SCN1A: variants seen among roughly 807,000 people sequenced by gnomAD.
SCN1A encodes sodium channel protein type 1 subunit alpha.
A neutral mutation model predicts 193.7 loss-of-function variants in SCN1A; 13 were observed. The ratio of observed to expected loss-of-function variants is 0.07; its 90% CI spans 0.04 to 0.11. The LOEUF (loss-of-function observed/expected upper bound fraction) is 0.11. Among genes scored for constraint, SCN1A ranks in the 10% least tolerant of loss-of-function variants. The pLI, the probability that SCN1A is intolerant of heterozygous loss-of-function variation, is 1.00. For missense variants in SCN1A, 1,432 were observed against 2,451.1 expected (o/e 0.58, Z 8.78); for synonymous variants, 781 against 843.6 (o/e 0.93, Z 1.29).
intron 22 of SCN1A, among the ~76,000 whole-genome samples, chr2:166,010,295 A>G (rs910715105): frequency 6.6e-6 from 1 of 151,220 alleles, no homozygotes; most frequent in Non-Finnish European, 1.5e-5. Flanking sequence ...TCAACTAATC[A>G]TAATTGGTAT....
At chr2:166,036,946 A>C (rs1202968336) in intron 18 of SCN1A, among the ~76,000 whole-genome samples, 2 of 152,226 alleles carry the variant, frequency 1.3e-5, no homozygotes, top group Non-Finnish European at 2.9e-5. Flanking sequence ...ATGTCAATTG[A>C]AAAATAACCA....
At chr2:166,040,686 A>G (rs550455139) in intron 16 of SCN1A, among the ~76,000 whole-genome samples, 2 of 152,356 alleles carry the variant, frequency 1.3e-5, no homozygotes, top group East Asian at 1.9e-4. Context: ...TTAAGTGGCA[A>G]TCTTCACCAA....
At chr2:166,072,507 C>G (rs1373178619) in intron 4 of SCN1A, among the ~76,000 whole-genome samples, 1 of 152,070 alleles carries the variant, frequency 6.6e-6, no homozygotes, top group African/African-American at 2.4e-5. Flanking sequence ...TATTAAATAA[C>G]TTGTAAAATT....
rs34747425 is a variant in SCN1A at position 166,052,612 on chromosome 2, G to GA, written c.694+239dup. Among the ~76,000 whole-genome samples the GA allele has an allele frequency of 0.43, 37,765 of 87,476 alleles. 4,929 individuals are homozygous for GA. The highest frequency in any genetic ancestry group is 0.55 in the Middle Eastern group (116 of 210). The allele number at this position is 87,476 out of a possible 152,430, so 57.4% of individuals were successfully genotyped here. The stretch of plus-strand genomic sequence containing the variant: ...AAATTCTCGATAAAACTAACATGGT[G>GA]AAAAAAAAAAAAACCCATGATATTT... On this transcript the variant is annotated intron_variant, in intron 8 of 28. Coordinates refer to ENST00000674923, the MANE Select transcript of SCN1A (RefSeq NM_001165963.4).
rs5836074 is a variant in SCN1A at position 166,045,478 on chromosome 2, ATT to A, written c.1378-153_1378-152del. The A allele has an allele frequency of 1.3e-3, 1,001 of 757,544 alleles. 3 individuals are homozygous for A. The African/African-American group carries it at 0.016, about 12-fold the overall frequency. The allele number at this position is 757,544 out of a possible 1,614,324, so 46.9% of individuals were successfully genotyped here. ...AGATTCTCTGCAAGTATAAGAGGAG[ATT>A]TTTTTTTTCTTTCTACCTAATGAAG... is the stretch of plus-strand genomic sequence containing the variant. On this transcript the variant is annotated intron_variant, in intron 12 of 28. Transcript: ENST00000674923.
rs121918780 is a variant in SCN1A, at chr2:166,051,928, A to G, written c.755T>C (p.Ile252Thr). Residue 252 changes from isoleucine (I) to threonine (T), a missense_variant, in exon 9 of 29, where the codon ATC becomes ACC. Ile to Thr is a moderately conservative substitution (Grantham distance 89). Around this residue, in one of 18 missense-constraint regions of SCN1A, gnomAD observed 123 missense variants for 282.8 expected, o/e 0.43. Coordinates refer to ENST00000674923, the MANE Select transcript of SCN1A (RefSeq NM_001165963.4). ...TACGCTCAGACAGAACACAGTCAGG[A>G]TCATTACATCTGAGAGCTTCTTCAC... ...QSVKKLSDVM[I>T]LTVFCLSVFA... 6.2e-7 allele frequency: 1 copy of G among 1,612,480 alleles called. No individual in the cohort carries two copies. Among genetic ancestry groups the G allele is most frequent in the Non-Finnish European group, 8.5e-7 (1 of 1,178,916 alleles).
chr2:166,029,162 G>A (rs1695209251), intron 19 of SCN1A, among the ~76,000 whole-genome samples: 1 of 151,982 alleles, frequency 6.6e-6, no homozygotes, highest in Non-Finnish European at 1.5e-5. Context: ...CAGTTTTGCA[G>A]GGACTTGTAC....
chr2:166,029,178 T>C (rs1489832599), intron 19 of SCN1A, among the ~76,000 whole-genome samples: 1 of 152,132 alleles, frequency 6.6e-6, no homozygotes, highest in African/African-American at 2.4e-5. Context: ...TGTACCCATG[T>C]TAAGTAGTAT....
intron 19 of SCN1A, among the ~76,000 whole-genome samples, chr2:166,028,400 A>G (rs1383254136): frequency 6.6e-6 from 1 of 152,138 alleles, no homozygotes. Context: ...TTTGACATTG[A>G]TTTTTAATGT....
chr2:166,025,649 C>A (rs1212763381), intron 19 of SCN1A, among the ~76,000 whole-genome samples: 1 of 152,128 alleles, frequency 6.6e-6, no homozygotes, highest in Non-Finnish European at 1.5e-5. Context: ...AGAATTCTGC[C>A]TGATACACCA....
At chr2:166,043,589 A>C (rs1697404416) in intron 14 of SCN1A, 80 bp downstream of exon 14, 1 of 1,464,224 alleles carries the variant, frequency 6.8e-7, no homozygotes, top group African/African-American at 1.4e-5. Flanking sequence ...AATCATTCTC[A>C]AGGTTGCCGT....
At chr2:166,025,260 C>T (rs1694605176) in intron 19 of SCN1A, among the ~76,000 whole-genome samples, 1 of 152,138 alleles carries the variant, frequency 6.6e-6, no homozygotes, top group Non-Finnish European at 1.5e-5. Context: ...TCCAAGTTTA[C>T]TGTCGTTGGC....
In SCN1A at chr2:166,036,084, G is replaced by A. The variant is rs778428180; in HGVS notation, c.3393C>T (p.Asp1131=). ...CTTCCAGATCCGATTCACTACTAAAGTCTTCCGTGTTTAAATTTTCAAAGT... is the reference window on the plus strand; with the variant it reads ...CTTCCAGATCCGATTCACTACTAAAATCTTCCGTGTTTAAATTTTCAAAGT... ...ESDFENLNTE[D]FSSESDLEES... is the part of the protein sequence containing the mutation. Residue 1131 remains aspartate, a synonymous_variant, in exon 19 of 29, where the codon GAC becomes GAT. Transcript: ENST00000674923. 1 of 1,613,824 alleles carries A rather than the reference G, an allele frequency of 6.2e-7. No individual in the cohort carries two copies. The highest frequency in any genetic ancestry group is 1.1e-5 in the South Asian group (1 of 91,070).
At chr2:166,138,677 G>A (rs1327692270) in intron 1 of SCN1A, among the ~76,000 whole-genome samples, 1 of 152,210 alleles carries the variant, frequency 6.6e-6, no homozygotes, top group African/African-American at 2.4e-5. Flanking sequence ...TGTTAAGGCA[G>A]TATGGAAGGG....
chr2:166,077,994 T>A (rs1051634844), intron 2 of SCN1A, 193 bp from the exon 3 acceptor site: 1 of 151,858 alleles, frequency 6.6e-6, no homozygotes, highest in African/African-American at 2.4e-5. Flanking sequence ...TCCAACTATA[T>A]GACATTATGG....
chr2:166,044,308 A>G (rs1697534880), intron 13 of SCN1A, among the ~76,000 whole-genome samples: 1 of 152,084 alleles, frequency 6.6e-6, no homozygotes, highest in Non-Finnish European at 1.5e-5. Flanking sequence ...ACACACACAC[A>G]TACACACACA....
At chr2:166,059,095 T>C (rs10930202) in intron 4 of SCN1A, among the ~76,000 whole-genome samples, 28,869 of 152,018 alleles carry the variant, frequency 0.19, 3,136 homozygotes, top group East Asian at 0.33. Flanking sequence ...TGAAAATTAA[T>C]CCTGTGGAAC....
chr2:166,013,635 A>T, intron 21 of SCN1A, 109 bp downstream of exon 21: 1 of 983,510 alleles, frequency 1.0e-6, no homozygotes, highest in Non-Finnish European at 1.6e-6. Flanking sequence ...AGGTGGGATA[A>T]TTAAAAATGC....
chr2:166,104,843 G>A (rs536182195), intron 2 of SCN1A, among the ~76,000 whole-genome samples: 2 of 152,332 alleles, frequency 1.3e-5, no homozygotes, highest in South Asian at 2.1e-4. Flanking sequence ...TCTTAGAGCC[G>A]ATTTGGCTAC....
Sources: allele counts gnomAD v4.1 joint callset (sites outside exome capture counted in the v4.1 genomes callset), GRCh38; gene constraint gnomAD v4.1.1; regional missense constraint gnomAD v4.1.1; transcripts MANE v1.5; gene names NCBI Gene and HGNC (gene_info 2026-07-23, HGNC 2026-07-21).